TRIP11: variants seen among roughly 807,000 people sequenced by gnomAD.
TRIP11 encodes the protein thyroid hormone receptor interactor 11.
In TRIP11, 148 loss-of-function variants were observed where a neutral mutation model predicts 223.1. The observed-to-expected ratio is 0.66, with a 90% CI of 0.58 to 0.76. The LOEUF is 0.76. TRIP11 is among the 30% of genes least tolerant of loss of function. TRIP11 has a pLI of 0.00. For missense variants in TRIP11, 2,043 were observed against 2,222.0 expected, an observed-to-expected ratio of 0.92 and a Z score of 1.62; for synonymous variants, 762 against 772.6, an observed-to-expected ratio of 0.99 and a Z score of 0.23.
At position 92,017,575 on chromosome 14, in the gene TRIP11, T is replaced by C. The variant is rs139395428; in HGVS notation, c.657+107A>G. The C allele has an allele frequency of 2.2e-4, 183 of 851,060 alleles. No homozygotes were observed. The African/African-American group carries it at 2.9e-3, about 13-fold the overall frequency. 52.7% of individuals were successfully genotyped at this position (851,060 alleles called of 1,614,324 possible). On this transcript the variant is annotated intron_variant, in intron 5 of 20. Transcript: ENST00000267622. ...AGAAAAAGAAGTACCATAATCTATATAATGATAATGACTTTTATAACTGAG... is the reference window on the plus strand; with the variant it reads ...AGAAAAAGAAGTACCATAATCTATACAATGATAATGACTTTTATAACTGAG...
chr14:91,977,190 T>A (rs1328825557), intron 16 of TRIP11: 1 of 452,108 alleles, frequency 2.2e-6, no homozygotes, highest in African/African-American at 2.0e-5. Flanking sequence ...TTATCAGATA[T>A]GATTTACAAA....
At chr14:91,980,739 G>C (rs1330631853) in intron 16 of TRIP11, among the ~76,000 whole-genome samples, 1 of 151,520 alleles carries the variant, frequency 6.6e-6, no homozygotes, top group Admixed American at 6.6e-5. Context: ...ACAGAAGGAA[G>C]AAAAAAATGT....
Position 92,037,816 on chromosome 14 carries a change from C to A in TRIP11, c.139+1731G>T, listed in dbSNP as rs2057339628. On this transcript the variant is annotated intron_variant, in intron 1 of 20. Transcript: ENST00000267622. This position sits in a 1 kb window ranked among gnomAD's most constrained non-coding sequence, Gnocchi z 4.2. ...GCTTGAACCCGGGAGGCGAAGGTTGCAGCGAGCCGAGATCGCGCCACTGCA... is the reference window on the plus strand; with the variant it reads ...GCTTGAACCCGGGAGGCGAAGGTTGAAGCGAGCCGAGATCGCGCCACTGCA... 6.6e-6 allele frequency among the ~76,000 whole-genome samples: 1 copy of A among 152,218 alleles called. No homozygotes were observed. Among genetic ancestry groups the A allele is most frequent in the South Asian group, 2.1e-4 (1 of 4,832 alleles).
At chr14:92,008,195 C>A (rs961082837) in intron 9 of TRIP11, among the ~76,000 whole-genome samples, 5 of 152,184 alleles carry the variant, frequency 3.3e-5, no homozygotes, top group African/African-American at 1.2e-4. Flanking sequence ...CATCCCCTGG[C>A]CCCACCTACC....
intron 13 of TRIP11, 102 bp downstream of exon 13, chr14:91,999,138 A>G (rs2056788169): frequency 7.8e-7 from 1 of 1,275,060 alleles, no homozygotes; most frequent in Non-Finnish European, 1.1e-6. Context: ...AAATACAGAT[A>G]ATGAATTTTG....
rs1217537332 is a variant in TRIP11, at chr14:91,975,206, C to T, written c.5423G>A (p.Ser1808Asn). Residue 1808 changes from serine (S) to asparagine (N), a missense_variant, in exon 18 of 21, where the codon AGC becomes AAC. Ser to Asn is a conservative substitution (Grantham distance 46). Coordinates refer to ENST00000267622, the MANE Select transcript of TRIP11 (RefSeq NM_004239.4). ...CTCCTCCCTTCTGACGCCCAGGATG[C>T]TCCCCATTAACCGTAACACTTCATG... ...QRHEVLRLMG[S>N]ILGVRREEME... The T allele has an allele frequency of 9.3e-6, 15 of 1,613,676 alleles. No individual in the cohort carries two copies. The highest frequency in any genetic ancestry group is 5.0e-5 in the Admixed American group (3 of 59,992).
At chr14:92,023,712 T>G (rs1419694687) in intron 3 of TRIP11, among the ~76,000 whole-genome samples, 1 of 152,222 alleles carries the variant, frequency 6.6e-6, no homozygotes, top group Non-Finnish European at 1.5e-5. Context: ...TCTATCATAA[T>G]GTTTATAACT....
intron 16 of TRIP11, among the ~76,000 whole-genome samples, chr14:91,987,721 T>G (rs896158129): frequency 3.3e-5 from 5 of 152,190 alleles, no homozygotes; most frequent in African/African-American, 1.2e-4. Context: ...AACAAAGCCC[T>G]GTAAGCCACC....
intron 14 of TRIP11, among the ~76,000 whole-genome samples, chr14:91,994,211 A>G (rs1163008568): frequency 1.3e-5 from 2 of 151,524 alleles, no homozygotes; most frequent in Non-Finnish European, 2.9e-5. Context: ...CTTTGTATAC[A>G]TACCCACTCT....
At chr14:92,000,862 T>C (rs1388669006) in intron 11 of TRIP11, among the ~76,000 whole-genome samples, 1 of 149,372 alleles carries the variant, frequency 6.7e-6, no homozygotes, top group Non-Finnish European at 1.5e-5. Flanking sequence ...TTCTTTTTTT[T>C]TCTTTTTTTT....
rs910710951 is a variant in TRIP11 at position 91,993,795 on chromosome 14, C to T, written c.5160+14G>A. On this transcript the variant is annotated intron_variant, in intron 15 of 20. Transcript: ENST00000267622. ...GAATAATAAAACCTACAAGAGAAAA[C>T]TATTTTGTCCTACCTGTAATGATAT... The T allele has an allele frequency of 2.5e-6, 4 of 1,593,104 alleles. No homozygotes were observed. The African/African-American group carries it at 4.0e-5, about 16-fold the overall frequency.
In TRIP11 at chr14:92,017,246, A is replaced by T. The variant is rs574685239; in HGVS notation, c.657+436T>A. On this transcript the variant is annotated intron_variant, in intron 5 of 20. Transcript: ENST00000267622. Reference sequence around the variant, plus strand: ...TAAATAATAAAGAATATTAAAAAAAAATATTTTTAAATGGACCAGGCGCGT... The same window carrying T: ...TAAATAATAAAGAATATTAAAAAAATATATTTTTAAATGGACCAGGCGCGT... Among the ~76,000 whole-genome samples the T allele has an allele frequency of 1.1e-3, 166 of 152,260 alleles. 2 individuals are homozygous for T. The highest frequency in any genetic ancestry group is 3.3e-3 in the East Asian group (17 of 5,190).
At chr14:91,972,143 C>A (rs1167160711) in intron 20 of TRIP11, among the ~76,000 whole-genome samples, 2 of 152,102 alleles carry the variant, frequency 1.3e-5, no homozygotes, top group Non-Finnish European at 2.9e-5. Context: ...AAAATATGTA[C>A]ACGTTAACCA....
intron 18 of TRIP11, 40 bp from the exon 19 acceptor site, chr14:91,974,783 A>G (rs1341411418): frequency 6.9e-7 from 1 of 1,446,496 alleles, no homozygotes; most frequent in South Asian, 1.2e-5. Flanking sequence ...TTATCAGTAC[A>G]AGAAAAAAAA....
rs2056861736 is a variant in TRIP11 at position 92,003,920 on chromosome 14, T to C, written c.4056A>G (p.Leu1352=). Residue 1352 remains leucine (L), a synonymous_variant, in exon 11 of 21, where the codon CTA becomes CTG. Transcript: ENST00000267622. ...CATCTTTTTCCTGTAGTGATTTTCTTAGCTCTTCTAACTCTTGCTGAAGCA... is the reference window on the plus strand; with the variant it reads ...CATCTTTTTCCTGTAGTGATTTTCTCAGCTCTTCTAACTCTTGCTGAAGCA... ...SELLQQELEE[L]RKSLQEKDAT... The C allele has an allele frequency of 1.9e-6, 3 of 1,614,044 alleles. No individual in the cohort carries two copies. Among genetic ancestry groups the C allele is most frequent in the Non-Finnish European group, 2.5e-6 (3 of 1,180,040 alleles).
At chr14:91,984,652 T>C (rs577125964) in intron 16 of TRIP11, among the ~76,000 whole-genome samples, 1 of 152,238 alleles carries the variant, frequency 6.6e-6, no homozygotes, top group African/African-American at 2.4e-5. Flanking sequence ...ATGTCAAGGA[T>C]GATGGCAGAG....
At chr14:91,999,774 T>C (rs1324174729) in intron 12 of TRIP11, among the ~76,000 whole-genome samples, 194 bp downstream of exon 12, 1 of 152,170 alleles carries the variant, frequency 6.6e-6, no homozygotes, top group African/African-American at 2.4e-5. Flanking sequence ...ATCCGAGATA[T>C]GCCATGATTT....
chr14:92,011,210 G>T, intron 8 of TRIP11, 138 bp from the exon 9 acceptor site: 1 of 809,628 alleles, frequency 1.2e-6, no homozygotes. Context: ...GCAATACTTG[G>T]CCAGACACGG....
intron 13 of TRIP11, 47 bp from the exon 14 acceptor site, chr14:91,995,562 AC>A: frequency 6.2e-7 from 1 of 1,605,230 alleles, no homozygotes; most frequent in Non-Finnish European, 8.5e-7. Context: ...CTATTTAGAT[AC>A]TTTAACAAGA....
Sources: allele counts gnomAD v4.1 joint callset (sites outside exome capture counted in the v4.1 genomes callset), GRCh38; gene constraint gnomAD v4.1.1; non-coding constraint Gnocchi (gnomAD v3.1); transcripts MANE v1.5; gene names NCBI Gene and HGNC (gene_info 2026-07-23, HGNC 2026-07-21).